FIGN: variants seen among roughly 807,000 people sequenced by gnomAD.
The protein encoded by FIGN is fidgetin.
Under a neutral mutation model 51.3 loss-of-function variants are expected in FIGN, and 11 were observed. That is an observed-to-expected ratio of 0.21 (90% CI 0.13 to 0.35). The LOEUF (loss-of-function observed/expected upper bound fraction) is 0.35, where lower values mean the gene tolerates loss of function less well. Ranked by LOEUF, FIGN falls within the 10% of genes least tolerant of loss-of-function variation. The probability of loss-of-function intolerance (pLI) is 1.00; values close to 1 mark genes in which losing one functional copy is unlikely to be tolerated. For synonymous variants in FIGN, 407 were observed against 363.2 expected, an observed-to-expected ratio of 1.12 and a Z score of -1.37; for missense variants, 857 against 943.6, an observed-to-expected ratio of 0.91 and a Z score of 1.20.
intron 2 of FIGN, among the ~76,000 whole-genome samples, chr2:163,718,783 G>T (rs184401896): frequency 6.6e-6 from 1 of 151,884 alleles, no homozygotes; most frequent in Non-Finnish European, 1.5e-5. Flanking sequence ...TGTATGTTTC[G>T]AGTGCCTAAG....
At chr2:163,693,618 TAC>T (rs953191506) in intron 2 of FIGN, among the ~76,000 whole-genome samples, 3 of 151,902 alleles carry the variant, frequency 2.0e-5, no homozygotes, top group African/African-American at 4.8e-5. Context: ...ACAGATAACA[TAC>T]ACACACACAC....
intron 2 of FIGN, among the ~76,000 whole-genome samples, chr2:163,637,200 T>G (rs1559004507): frequency 6.6e-6 from 1 of 152,140 alleles, no homozygotes; most frequent in African/African-American, 2.4e-5. Context: ...AAAGAAGAAA[T>G]GCAACAGTAG....
intron 2 of FIGN, among the ~76,000 whole-genome samples, chr2:163,665,589 A>G (rs1683759985): frequency 6.6e-6 from 1 of 152,210 alleles, no homozygotes; most frequent in Admixed American, 6.5e-5. Flanking sequence ...ACAATATAAC[A>G]TGCTGAACTA....
rs1691117803 is a variant in FIGN, at chr2:163,606,608, C to A, written c.*2944G>T. 1 of 152,266 alleles carries A rather than the reference C, an allele frequency of 6.6e-6. No individual in the cohort carries two copies. The highest frequency in any genetic ancestry group is 1.5e-5 in the Non-Finnish European group (1 of 68,122). 9.4% of individuals were successfully genotyped at this position (152,266 alleles called of 1,614,324 possible). ...TCACTTCTGAGGATGTGGTACCCCA[C>A]CCCCACTCCAAGTTCCAGAATAGAT... On this transcript the variant is annotated 3_prime_UTR_variant, in exon 3 of 3. Transcript: ENST00000333129.
chr2:163,631,867 G>A (rs983427006), intron 2 of FIGN, among the ~76,000 whole-genome samples: 2 of 152,124 alleles, frequency 1.3e-5, no homozygotes, highest in African/African-American at 4.8e-5. Context: ...TTTAAGGTAG[G>A]CTGGGCGCAG....
In FIGN at chr2:163,609,459, T is replaced by C; in HGVS notation, c.*93A>G. On this transcript the variant is annotated 3_prime_UTR_variant, in exon 3 of 3. Coordinates refer to ENST00000333129, the MANE Select transcript of FIGN (RefSeq NM_018086.4). ...ATCTTCCCCAGTACCCTTTGCAATT[T>C]AAACTCTACTGGAAAGGGGCTCTAT... 9.0e-7 allele frequency: 1 copy of C among 1,113,508 alleles called. No homozygotes were observed. The highest frequency in any genetic ancestry group is 1.3e-6 in the Non-Finnish European group (1 of 787,526). 69.0% of individuals were successfully genotyped at this position (1,113,508 alleles called of 1,614,324 possible).
At chr2:163,661,519 C>G (rs141680859) in intron 2 of FIGN, among the ~76,000 whole-genome samples, 1,552 of 152,210 alleles carry the variant, frequency 0.01, 37 homozygotes, top group African/African-American at 0.036. Flanking sequence ...GCCTCAGCCT[C>G]CCAAGTAGCT....
At chr2:163,723,994 G>A (rs573717208) in intron 2 of FIGN, among the ~76,000 whole-genome samples, 14 of 152,174 alleles carry the variant, frequency 9.2e-5, no homozygotes, top group East Asian at 7.8e-4. Context: ...TCTTTTAGAC[G>A]ACTAGCAAGG....
At chr2:163,641,922 T>G (rs1472382822) in intron 2 of FIGN, among the ~76,000 whole-genome samples, 1 of 152,220 alleles carries the variant, frequency 6.6e-6, no homozygotes, top group Non-Finnish European at 1.5e-5. Flanking sequence ...TTTAGACCAC[T>G]CAAGCTCCAA....
chr2:163,644,549 C>T (rs138817818), intron 2 of FIGN, among the ~76,000 whole-genome samples: 2 of 152,234 alleles, frequency 1.3e-5, no homozygotes, highest in East Asian at 3.9e-4. Context: ...TAAAAAGAGT[C>T]ACCTTATGAC....
intron 2 of FIGN, among the ~76,000 whole-genome samples, chr2:163,629,651 C>T (rs1683113397): frequency 6.6e-6 from 1 of 151,890 alleles, no homozygotes; most frequent in African/African-American, 2.4e-5. Flanking sequence ...ACAGCCACAC[C>T]CATTTGTTTA....
At chr2:163,675,551 C>G (rs1421914186) in intron 2 of FIGN, among the ~76,000 whole-genome samples, 1 of 152,166 alleles carries the variant, frequency 6.6e-6, no homozygotes, top group Admixed American at 6.5e-5. Flanking sequence ...CTGGGTGACT[C>G]TAATGCATGC....
rs60526284 is a variant in FIGN at position 163,728,397 on chromosome 2, A to AACAC, written c.25+6502_25+6505dup. On this transcript the variant is annotated intron_variant, in intron 2 of 2. Transcript: ENST00000333129. ...GTATGTAACTGCATGCAAACCATTA[A>AACAC]ACACACACACACACACACACACACA... Among the ~76,000 whole-genome samples the AACAC allele has an allele frequency of 8.5e-3, 1,212 of 141,922 alleles. 14 individuals are homozygous for AACAC. The highest frequency in any genetic ancestry group is 0.024 in the African/African-American group (925 of 38,378). 93.1% of individuals were successfully genotyped at this position (141,922 alleles called of 152,430 possible). A position where few individuals can be genotyped will look rare whatever the true frequency, so the allele number is the denominator to read the frequency against.
intron 2 of FIGN, among the ~76,000 whole-genome samples, chr2:163,694,762 C>T (rs763220009): frequency 1.6e-4 from 25 of 152,098 alleles, no homozygotes; most frequent in Non-Finnish European, 2.6e-4. Context: ...TTAGATACTC[C>T]CCCAATCCTA....
At chr2:163,728,686 A>G (rs1451615760) in intron 2 of FIGN, among the ~76,000 whole-genome samples, 2 of 152,166 alleles carry the variant, frequency 1.3e-5, no homozygotes, top group Non-Finnish European at 2.9e-5. Context: ...TGACTTCTAC[A>G]AAGGTGGCCC....
chr2:163,641,834 T>C (rs968397906), intron 2 of FIGN, among the ~76,000 whole-genome samples: 3 of 152,178 alleles, frequency 2.0e-5, no homozygotes, highest in South Asian at 2.1e-4. Flanking sequence ...TGGTAACAAA[T>C]AGGGATGAGC....
chr2:163,691,375 A>T (rs1365098845), intron 2 of FIGN, among the ~76,000 whole-genome samples: 1 of 152,126 alleles, frequency 6.6e-6, no homozygotes, highest in Non-Finnish European at 1.5e-5. Context: ...ACAAGTCAAC[A>T]ATCTGCTGAT....
intron 2 of FIGN, among the ~76,000 whole-genome samples, chr2:163,691,978 A>T (rs1439115767): frequency 1.3e-5 from 2 of 152,360 alleles, no homozygotes; most frequent in South Asian, 2.1e-4. Flanking sequence ...TTAAATGCTC[A>T]ATCAAATCTA....
chr2:163,733,959 AAAAC>A (rs1573980691), intron 2 of FIGN, among the ~76,000 whole-genome samples: 1 of 152,022 alleles, frequency 6.6e-6, no homozygotes, highest in Admixed American at 6.5e-5. Flanking sequence ...AAAAAAAAAA[AAAAC>A]AGTCTAAAGT....
Sources: allele counts gnomAD v4.1 joint callset (sites outside exome capture counted in the v4.1 genomes callset), GRCh38; gene constraint gnomAD v4.1.1; transcripts MANE v1.5; gene names NCBI Gene and HGNC (gene_info 2026-07-23, HGNC 2026-07-21).